Variants in GRM7 observed in about 807,000 individuals in gnomAD.
The protein encoded by GRM7 is metabotropic glutamate receptor 7.
In GRM7, 35 loss-of-function variants were observed where a neutral mutation model predicts 84.5. That is an observed-to-expected ratio of 0.41 (90% confidence interval 0.32 to 0.55). The LOEUF (loss-of-function observed/expected upper bound fraction) is 0.55, where lower values mean the gene tolerates loss of function less well. GRM7 is among the 20% of genes least tolerant of loss of function. The probability of loss-of-function intolerance (pLI) is 0.19; values close to 1 mark genes in which losing one functional copy is unlikely to be tolerated. For synonymous variants in GRM7, 487 were observed against 455.1 expected (o/e 1.07, Z -0.89); for missense variants, 1,003 against 1,194.6 (o/e 0.84, Z 2.36).
chr3:7,563,719 A>T (rs1305763665), intron 7 of GRM7, among the ~76,000 whole-genome samples: 2 of 152,102 alleles, frequency 1.3e-5, no homozygotes, highest in Non-Finnish European at 2.9e-5. Context: ...TCTGCTTTGG[A>T]ATGACATGAA....
chr3:7,418,289 C>G (rs922901392), intron 5 of GRM7, among the ~76,000 whole-genome samples: 1 of 152,120 alleles, frequency 6.6e-6, no homozygotes, highest in South Asian at 2.1e-4. Context: ...TGATATAGAT[C>G]AGGCATTCGC....
intron 8 of GRM7, among the ~76,000 whole-genome samples, chr3:7,668,085 A>G (rs920691301): frequency 2.0e-5 from 3 of 152,174 alleles, no homozygotes; most frequent in Admixed American, 1.3e-4. Flanking sequence ...TTTATGGTTT[A>G]GTGAATATAT....
chr3:6,869,712 C>T (rs1292658080), intron 1 of GRM7, among the ~76,000 whole-genome samples: 14 of 151,996 alleles, frequency 9.2e-5, no homozygotes, highest in African/African-American at 3.1e-4. Context: ...ATTTTAGTGA[C>T]GTTACTCAGT....
chr3:7,501,729 A>AT, intron 7 of GRM7, among the ~76,000 whole-genome samples: 1 of 152,234 alleles, frequency 6.6e-6, no homozygotes, highest in Non-Finnish European at 1.5e-5. Flanking sequence ...TAGGAAGCAT[A>AT]TATTTCATAT....
At chr3:7,216,189 AATTGAACAGGTGACTTTATGCCTGT>A (rs1696603516) in intron 2 of GRM7, among the ~76,000 whole-genome samples, 1 of 152,204 alleles carries the variant, frequency 6.6e-6, no homozygotes, top group South Asian at 2.1e-4. Flanking sequence ...GAATATGCCT[AATTGAACAGGTGACTTTATGCCTGT>A]ATTTTTGGAA....
chr3:7,113,613 C>T (rs1425171594), intron 1 of GRM7, among the ~76,000 whole-genome samples: 2 of 152,072 alleles, frequency 1.3e-5, no homozygotes, highest in Non-Finnish European at 2.9e-5. Flanking sequence ...TGGTGTTGCC[C>T]ATTCTATGGC....
intron 1 of GRM7, among the ~76,000 whole-genome samples, chr3:7,008,222 A>G (rs561655750): frequency 2.0e-5 from 3 of 152,140 alleles, no homozygotes; most frequent in Non-Finnish European, 2.9e-5. Context: ...CTGACCTAGA[A>G]GGAGTTATAG....
chr3:7,688,594 T>G (rs185446829), intron 9 of GRM7, among the ~76,000 whole-genome samples: 217 of 152,302 alleles, frequency 1.4e-3, no homozygotes, highest in Admixed American at 2.6e-3. Flanking sequence ...CGTGATTTAC[T>G]TGTTCAGGTC....
At chr3:7,643,347 G>A (rs1456864190) in intron 8 of GRM7, among the ~76,000 whole-genome samples, 1 of 151,398 alleles carries the variant, frequency 6.6e-6, no homozygotes, top group Non-Finnish European at 1.5e-5. Context: ...AAACAAAACA[G>A]GGCACTAATG....
At chr3:6,970,620 G>A (rs1693713180) in intron 1 of GRM7, among the ~76,000 whole-genome samples, 1 of 152,024 alleles carries the variant, frequency 6.6e-6, no homozygotes, top group African/African-American at 2.4e-5. Flanking sequence ...AGGCTGGTGT[G>A]TTAAGACTTG....
intron 1 of GRM7, among the ~76,000 whole-genome samples, chr3:6,895,652 T>A (rs1399158063): frequency 6.6e-6 from 1 of 152,144 alleles, no homozygotes; most frequent in Non-Finnish European, 1.5e-5. Flanking sequence ...TCAGAGCATT[T>A]GAGTAAGTTA....
intron 1 of GRM7, among the ~76,000 whole-genome samples, chr3:7,018,124 T>C (rs908837369): frequency 2.0e-5 from 3 of 152,268 alleles, no homozygotes; most frequent in African/African-American, 7.2e-5. Context: ...TTAATTTTAA[T>C]AGTACATTTT....
chr3:6,933,553 AT>A (rs1575032561), intron 1 of GRM7, among the ~76,000 whole-genome samples: 1 of 152,214 alleles, frequency 6.6e-6, no homozygotes, highest in East Asian at 1.9e-4. Context: ...TTGATATAAA[AT>A]GCAACTTGCA....
intron 1 of GRM7, among the ~76,000 whole-genome samples, chr3:7,035,160 C>A (rs1354108307): frequency 6.6e-6 from 1 of 152,114 alleles, no homozygotes; most frequent in Admixed American, 6.6e-5. Flanking sequence ...GGGAGGGCTG[C>A]TTGTCAAATA....
intron 2 of GRM7, among the ~76,000 whole-genome samples, chr3:7,236,259 G>T (rs192724060): frequency 9.8e-5 from 15 of 152,304 alleles, no homozygotes; most frequent in African/African-American, 3.6e-4. Flanking sequence ...TCAAACCATA[G>T]TAGGCAGTAA....
At chr3:7,146,328 T>G in intron 1 of GRM7, 124 bp from the exon 2 acceptor site, 1 of 735,760 alleles carries the variant, frequency 1.4e-6, no homozygotes, top group South Asian at 1.6e-5. Flanking sequence ...CATGGTGGTG[T>G]TTGGCAAAAC....
chr3:7,319,756 G>A (rs1403046414), intron 4 of GRM7, among the ~76,000 whole-genome samples: 2 of 151,900 alleles, frequency 1.3e-5, no homozygotes, highest in Non-Finnish European at 2.9e-5. Flanking sequence ...GATACTGTTT[G>A]TTTTTCTCAA....
chr3:6,962,180 G>C (rs966928350), intron 1 of GRM7, among the ~76,000 whole-genome samples: 1 of 152,198 alleles, frequency 6.6e-6, no homozygotes, highest in Non-Finnish European at 1.5e-5. Flanking sequence ...GTACTTGTTT[G>C]TCTACTCCCA....
chr3:7,489,684 C>A (rs118100171), intron 7 of GRM7, among the ~76,000 whole-genome samples: 5 of 152,038 alleles, frequency 3.3e-5, no homozygotes, highest in Middle Eastern at 3.4e-3. Flanking sequence ...ATATTGCTTA[C>A]AATACAATAT....
Sources: gnomAD v4.1 joint callset for allele counts (sites outside exome capture counted in the v4.1 genomes callset) on GRCh38, gnomAD v4.1.1 for gene constraint, MANE v1.5 for transcripts, NCBI Gene and HGNC (gene_info 2026-07-23, HGNC 2026-07-21) for gene names.